ELP3: variants seen among roughly 807,000 people sequenced by gnomAD.
The protein encoded by ELP3 is elongator complex protein 3.
A neutral mutation model predicts 74.9 loss-of-function variants in ELP3; 56 were observed. The ratio of observed to expected loss-of-function variants is 0.75; its 90% CI spans 0.60 to 0.93. The LOEUF (loss-of-function observed/expected upper bound fraction) is 0.93. Ranked by LOEUF, ELP3 falls within the 40% of genes least tolerant of loss-of-function variation. The pLI is 0.00. For missense variants in ELP3, 573 were observed against 686.5 expected, an observed-to-expected ratio of 0.83 and a Z score of 1.85; for synonymous variants, 222 against 239.8, an observed-to-expected ratio of 0.93 and a Z score of 0.68.
chr8:28,100,000 T>G, intron 3 of ELP3, 34 bp downstream of exon 3: 1 of 1,613,628 alleles, frequency 6.2e-7, no homozygotes, highest in Non-Finnish European at 8.5e-7. Flanking sequence ...ATCGACACAC[T>G]GGGTATCTGT....
At chr8:28,121,898 C>G (rs1350121818) in intron 7 of ELP3, among the ~76,000 whole-genome samples, 1 of 152,138 alleles carries the variant, frequency 6.6e-6, no homozygotes, top group East Asian at 1.9e-4. Flanking sequence ...TAAGAGTGGG[C>G]GTCTCTGTCT....
At chr8:28,105,354 C>T (rs879555195) in intron 3 of ELP3, among the ~76,000 whole-genome samples, 27 of 152,172 alleles carry the variant, frequency 1.8e-4, no homozygotes, top group Non-Finnish European at 3.5e-4. Context: ...CACGCCATTG[C>T]ACTCCAGCCT....
At position 28,132,384 on chromosome 8, in the gene ELP3, A is replaced by G. The variant is rs976175317; in HGVS notation, c.886A>G (p.Arg296Gly). Residue 296 changes from arginine to glycine, a missense_variant, in exon 9 of 15, where the codon AGA becomes GGA. Physicochemically the swap from Arg to Gly is moderately radical, Grantham distance 125 (BLOSUM62 -2). Transcript: ENST00000256398. Reference sequence around the variant, plus strand: ...TGACCTGCCAAACGTGGGACTAGAAAGAGACATTGAACAGTTCACAGTAAG... The same window carrying G: ...TGACCTGCCAAACGTGGGACTAGAAGGAGACATTGAACAGTTCACAGTAAG... ...MPDLPNVGLE[R>G]DIEQFTEFFE... 6.2e-7 allele frequency: 1 copy of G among 1,614,152 alleles called. No homozygotes were observed. The highest frequency in any genetic ancestry group is 1.3e-5 in the African/African-American group (1 of 75,052).
At chr8:28,105,750 A>G (rs889180459) in intron 3 of ELP3, among the ~76,000 whole-genome samples, 3 of 152,132 alleles carry the variant, frequency 2.0e-5, no homozygotes, top group African/African-American at 4.8e-5. Context: ...CTCTCTTTCC[A>G]TGTTTATAGC....
intron 12 of ELP3, among the ~76,000 whole-genome samples, chr8:28,159,207 T>A (rs938825130): frequency 6.6e-6 from 1 of 152,228 alleles, no homozygotes; most frequent in Non-Finnish European, 1.5e-5. Context: ...TATACTCTTA[T>A]AATGTCTAGC....
Position 28,155,936 on chromosome 8 carries a change from G to T in ELP3, c.1101-6G>T. 1 of 1,609,814 alleles carries T rather than the reference G, an allele frequency of 6.2e-7. No homozygotes were observed. The highest frequency in any genetic ancestry group is 8.5e-7 in the Non-Finnish European group (1 of 1,176,184). ...GCAACAGCTTATGTTTTTCTCCTGTGTACAGGGATATTCCAATGCCTTTAG... is the reference window on the plus strand; with the variant it reads ...GCAACAGCTTATGTTTTTCTCCTGTTTACAGGGATATTCCAATGCCTTTAG... On this transcript the variant is annotated splice_region_variant and splice_polypyrimidine_tract_variant and intron_variant, in intron 10 of 14. Coordinates refer to ENST00000256398, the MANE Select transcript of ELP3 (RefSeq NM_018091.6).
At chr8:28,090,482 GGTGT>G (rs34145175), upstream of ELP3, 471 of 160,122 alleles carry the variant, frequency 2.9e-3, no homozygotes, top group Middle Eastern at 4.7e-3. Flanking sequence ...CTGATGGGTG[GGTGT>G]GTGTGTGTGT....
chr8:28,118,961 A>G (rs902340366), intron 7 of ELP3: 1 of 151,044 alleles, frequency 6.6e-6, no homozygotes, highest in Non-Finnish European at 1.5e-5. Context: ...AGTGCTAGGT[A>G]ATGCTAGGTA....
chr8:28,090,376 G>A (rs939879662), upstream of ELP3: 45 of 380,714 alleles, frequency 1.2e-4, no homozygotes, highest in East Asian at 1.6e-4. Context: ...GTTGCTTCCC[G>A]GTCTGGTGGT....
chr8:28,106,471 C>A (rs374904651), intron 3 of ELP3, among the ~76,000 whole-genome samples: 3 of 143,176 alleles, frequency 2.1e-5, no homozygotes, highest in Admixed American at 1.4e-4. Context: ...ACCCGGGAGG[C>A]GGAGCTTGCA....
At chr8:28,154,490 A>C (rs1813754376) in intron 10 of ELP3, among the ~76,000 whole-genome samples, 1 of 152,188 alleles carries the variant, frequency 6.6e-6, no homozygotes, top group African/African-American at 2.4e-5. Flanking sequence ...ATGTGTATAT[A>C]TGAGATGTAT....
upstream of ELP3, chr8:28,090,515 GTA>G (rs1491302838): frequency 9.8e-6 from 2 of 204,456 alleles, no homozygotes; most frequent in Non-Finnish European, 2.0e-5. Context: ...GTGTGTGTGT[GTA>G]TACACATATA....
At chr8:28,159,852 A>G (rs921233652) in intron 12 of ELP3, among the ~76,000 whole-genome samples, 4 of 152,212 alleles carry the variant, frequency 2.6e-5, no homozygotes, top group African/African-American at 9.6e-5. Flanking sequence ...AACACCTGAC[A>G]GTTTTGAGAC....
intron 10 of ELP3, among the ~76,000 whole-genome samples, chr8:28,148,628 A>G (rs1372777450): frequency 6.6e-6 from 1 of 152,190 alleles, no homozygotes; most frequent in Non-Finnish European, 1.5e-5. Flanking sequence ...TAGTTTACTG[A>G]GAGCTTTTAT....
At chr8:28,152,818 T>G (rs1813692573) in intron 10 of ELP3, among the ~76,000 whole-genome samples, 1 of 152,074 alleles carries the variant, frequency 6.6e-6, no homozygotes. Flanking sequence ...AACAAAAAAA[T>G]AAATGTGCTC....
intron 7 of ELP3, among the ~76,000 whole-genome samples, chr8:28,123,010 G>A (rs1451422423): frequency 6.6e-6 from 1 of 152,208 alleles, no homozygotes; most frequent in East Asian, 1.9e-4. Context: ...TGTAATCCCA[G>A]CTACTGGGGA....
At chr8:28,152,738 G>A (rs1270371048) in intron 10 of ELP3, among the ~76,000 whole-genome samples, 7 of 152,276 alleles carry the variant, frequency 4.6e-5, no homozygotes, top group South Asian at 2.1e-4. Context: ...CCTGGGAGGC[G>A]AAGGTTGCAG....
intron 5 of ELP3, among the ~76,000 whole-genome samples, chr8:28,108,758 G>C (rs1020275857): frequency 6.6e-6 from 1 of 152,024 alleles, no homozygotes; most frequent in Admixed American, 6.6e-5. Context: ...TACCCAGCCT[G>C]GAATTTATAT....
chr8:28,163,534 T>G (rs1814186197), intron 14 of ELP3, among the ~76,000 whole-genome samples: 1 of 152,140 alleles, frequency 6.6e-6, no homozygotes, highest in Non-Finnish European at 1.5e-5. Context: ...CTTTTTTTTT[T>G]TTTTTCACAT....
Sources: gnomAD v4.1 joint callset for allele counts (sites outside exome capture counted in the v4.1 genomes callset) on GRCh38, gnomAD v4.1.1 for gene constraint, MANE v1.5 for transcripts, NCBI Gene and HGNC (gene_info 2026-07-23, HGNC 2026-07-21) for gene names.